The following CDH13 variants were observed in gnomAD, a reference collection of about 807,000 sequenced individuals.
CDH13 encodes cadherin 13.
CDH13 carries 24 observed loss-of-function variants against 63.8 expected under a neutral mutation model. That is an observed-to-expected ratio of 0.38 (90% confidence interval 0.27 to 0.53). The LOEUF (loss-of-function observed/expected upper bound fraction) is 0.53. Among genes scored for constraint, CDH13 ranks in the 20% least tolerant of loss-of-function variants. The pLI is 0.85. For synonymous variants in CDH13, 503 were observed against 355.3 expected, an observed-to-expected ratio of 1.42 and a Z score of -4.67; for missense variants, 1,049 against 903.1, an observed-to-expected ratio of 1.16 and a Z score of -2.07.
intron 5 of CDH13, among the ~76,000 whole-genome samples, chr16:83,311,604 A>C (rs2090002180): frequency 6.6e-6 from 1 of 152,206 alleles, no homozygotes; most frequent in East Asian, 1.9e-4. Context: ...AGGGGAAGTA[A>C]ACTGCATGCA....
intron 2 of CDH13, among the ~76,000 whole-genome samples, chr16:82,941,962 CAT>C (rs1904292925): frequency 6.6e-6 from 1 of 152,148 alleles, no homozygotes; most frequent in Admixed American, 6.5e-5. Flanking sequence ...CTGTCAGATG[CAT>C]GAATTACAAG....
rs1904278980 is a variant in CDH13, at chr16:83,795,982, A to G, written c.*952A>G. 1 of 152,660 alleles carries G rather than the reference A, an allele frequency of 6.6e-6. No individual in the cohort carries two copies. The highest frequency in any genetic ancestry group is 1.5e-5 in the Non-Finnish European group (1 of 68,046). 9.5% of individuals were successfully genotyped at this position (152,660 alleles called of 1,614,324 possible). On this transcript the variant is annotated 3_prime_UTR_variant, in exon 14 of 14. Transcript: ENST00000567109. Reference sequence around the variant, plus strand: ...CAGGTACCATCTTGTATACACATATATACCCACATGTACAGACATACATTT... The same window carrying G: ...CAGGTACCATCTTGTATACACATATGTACCCACATGTACAGACATACATTT...
At chr16:83,123,508 A>G (rs1353826096) in intron 3 of CDH13, among the ~76,000 whole-genome samples, 1 of 151,796 alleles carries the variant, frequency 6.6e-6, no homozygotes, top group Non-Finnish European at 1.5e-5. Context: ...CAAACTCCCA[A>G]CCTCAGGTTA....
intron 3 of CDH13, among the ~76,000 whole-genome samples, chr16:83,053,897 A>G (rs2030648181): frequency 6.6e-6 from 1 of 152,212 alleles, no homozygotes; most frequent in Non-Finnish European, 1.5e-5. Context: ...CTGTGTATGT[A>G]TATAGTCACG....
At chr16:82,868,910 G>A (rs920977451) in intron 2 of CDH13, among the ~76,000 whole-genome samples, 5 of 152,018 alleles carry the variant, frequency 3.3e-5, no homozygotes, top group Admixed American at 6.6e-5. Context: ...TTGGCAAGTT[G>A]GGAAAAACAA....
intron 7 of CDH13, among the ~76,000 whole-genome samples, chr16:83,520,102 T>C (rs554193874): frequency 6.6e-6 from 1 of 152,264 alleles, no homozygotes; most frequent in South Asian, 2.1e-4. Flanking sequence ...GTAGAACAAC[T>C]AGGAGTCTTG....
chr16:82,680,788 G>C (rs941949118), intron 1 of CDH13, among the ~76,000 whole-genome samples: 5 of 152,306 alleles, frequency 3.3e-5, no homozygotes, highest in Middle Eastern at 3.4e-3. Context: ...CTCTAGGCCT[G>C]AAAGGGCAAG....
intron 2 of CDH13, among the ~76,000 whole-genome samples, chr16:82,876,816 A>G (rs1290627416): frequency 6.6e-6 from 1 of 152,236 alleles, no homozygotes; most frequent in Non-Finnish European, 1.5e-5. Flanking sequence ...ACAAACAAAA[A>G]TCAGAAGCAT....
At chr16:82,736,999 C>T (rs1167005852) in intron 1 of CDH13, among the ~76,000 whole-genome samples, 1 of 152,204 alleles carries the variant, frequency 6.6e-6, no homozygotes, top group Admixed American at 6.5e-5. Context: ...TTTTCCTCTT[C>T]CCAACACCTA....
At chr16:83,405,969 C>T (rs147535054) in intron 6 of CDH13, among the ~76,000 whole-genome samples, 6 of 152,372 alleles carry the variant, frequency 3.9e-5, no homozygotes, top group Non-Finnish European at 8.8e-5. Context: ...CACATGCCCT[C>T]AGCCCACCTG....
intron 1 of CDH13, chr16:82,826,198 C>G (rs2038245211): frequency 6.6e-6 from 1 of 152,098 alleles, no homozygotes; most frequent in Non-Finnish European, 1.5e-5. Context: ...CAGGAGATGC[C>G]TCTGATTCTG....
At chr16:82,798,162 C>G (rs569239249) in intron 1 of CDH13, among the ~76,000 whole-genome samples, 1 of 152,166 alleles carries the variant, frequency 6.6e-6, no homozygotes, top group East Asian at 1.9e-4. Flanking sequence ...TACCGGAAAC[C>G]AGGTTGCTCT....
At chr16:83,493,843 G>A (rs1239718813) in intron 7 of CDH13, among the ~76,000 whole-genome samples, 4 of 152,252 alleles carry the variant, frequency 2.6e-5, no homozygotes, top group Admixed American at 6.5e-5. Flanking sequence ...GAGATCGTCA[G>A]TGGCAAAGTT....
intron 4 of CDH13, among the ~76,000 whole-genome samples, chr16:83,150,438 C>CT (rs2036929368): frequency 6.6e-6 from 1 of 152,114 alleles, no homozygotes; most frequent in East Asian, 1.9e-4. Flanking sequence ...CACATTCTGG[C>CT]TTTTTCTTAT....
chr16:83,254,647 C>T (rs891443749), intron 5 of CDH13, among the ~76,000 whole-genome samples: 11 of 152,086 alleles, frequency 7.2e-5, no homozygotes, highest in African/African-American at 2.4e-4. Context: ...TGCAAGCCAC[C>T]GCAAATCCAG....
intron 7 of CDH13, among the ~76,000 whole-genome samples, chr16:83,545,694 C>T (rs187877594): frequency 1.5e-3 from 226 of 152,240 alleles, no homozygotes; most frequent in African/African-American, 5.1e-3. Flanking sequence ...CATACAGTTC[C>T]TCTCCCTGCC....
At chr16:83,048,198 T>C (rs1917976381) in intron 3 of CDH13, among the ~76,000 whole-genome samples, 1 of 152,320 alleles carries the variant, frequency 6.6e-6, no homozygotes, top group East Asian at 1.9e-4. Context: ...CACAAGTTGG[T>C]TACTTTGAAA....
rs138018267 is a variant in CDH13 at position 83,069,383 on chromosome 16, GTTTTC to G, written c.366+37172_366+37176del. Reference sequence around the variant, plus strand: ...ATGATCACATAATTTTTGCAATACCGTTTTCTTTTCTAAGAATCACCTATAGAAAC... The same window carrying G: ...ATGATCACATAATTTTTGCAATACCGTTTTCTAAGAATCACCTATAGAAAC... On this transcript the variant is annotated intron_variant, in intron 3 of 13. Coordinates refer to ENST00000567109, the MANE Select transcript of CDH13 (RefSeq NM_001257.5). 1.9e-3 allele frequency among the ~76,000 whole-genome samples: 283 copies of G among 152,132 alleles called. 2 individuals are homozygous for G. The highest frequency in any genetic ancestry group is 6.4e-3 in the African/African-American group (266 of 41,508).
intron 2 of CDH13, among the ~76,000 whole-genome samples, chr16:82,882,840 A>G (rs1339063680): frequency 6.6e-6 from 1 of 152,106 alleles, no homozygotes; most frequent in Admixed American, 6.5e-5. Context: ...GATCATGCCT[A>G]TTCTCCTTCT....
Sources: allele counts gnomAD v4.1 joint callset (sites outside exome capture counted in the v4.1 genomes callset), GRCh38; gene constraint gnomAD v4.1.1; transcripts MANE v1.5; gene names NCBI Gene and HGNC (gene_info 2026-07-23, HGNC 2026-07-21).